The following NKAIN2 variants were observed in gnomAD, a reference collection of about 807,000 sequenced individuals.
NKAIN2 encodes sodium/potassium-transporting ATPase subunit beta-1-interacting protein 2.
NKAIN2 carries 14 observed loss-of-function variants against 32.6 expected under a neutral mutation model. The ratio of observed to expected loss-of-function variants is 0.43; its 90% CI spans 0.28 to 0.67. The LOEUF is 0.67. NKAIN2 is among the 30% of genes least tolerant of loss of function. The pLI is 0.17. For synonymous variants in NKAIN2, 80 were observed against 87.2 expected (o/e 0.92, Z 0.46); for missense variants, 198 against 258.3 (o/e 0.77, Z 1.60).
chr6:124,621,899 C>G lies in NKAIN2; in HGVS notation c.274-36287C>G, dbSNP rs1783120559. On this transcript the variant is annotated intron_variant, in intron 3 of 6. Transcript: ENST00000368417. ...CCAGTTTTCTCCAAGGCAGGCCAGG[C>G]CTGTGTCCCAGGCTGGGAATCTCAG... Among the ~76,000 whole-genome samples the G allele has an allele frequency of 2.6e-5, 4 of 152,244 alleles. 1 individual carries two copies. The South Asian group carries it at 8.3e-4, about 32-fold the overall frequency.
At chr6:124,769,176 A>G (rs1778641796) in intron 4 of NKAIN2, among the ~76,000 whole-genome samples, 1 of 152,186 alleles carries the variant, frequency 6.6e-6, no homozygotes, top group Non-Finnish European at 1.5e-5. Context: ...TACAGCATAA[A>G]GAAACAGTTT....
At chr6:124,578,997 A>G (rs1026910898) in intron 3 of NKAIN2, among the ~76,000 whole-genome samples, 10 of 152,228 alleles carry the variant, frequency 6.6e-5, no homozygotes, top group African/African-American at 2.2e-4. Flanking sequence ...TCAGGGCAGC[A>G]TCTCTATGAG....
At chr6:123,946,128 A>G (rs375176359) in intron 1 of NKAIN2, among the ~76,000 whole-genome samples, 1 of 152,274 alleles carries the variant, frequency 6.6e-6, no homozygotes, top group African/African-American at 2.4e-5. Flanking sequence ...CAGCTGCACA[A>G]CAATGCTGCT....
intron 3 of NKAIN2, among the ~76,000 whole-genome samples, chr6:124,381,091 C>A (rs1250962878): frequency 6.6e-6 from 1 of 152,066 alleles, no homozygotes; most frequent in Non-Finnish European, 1.5e-5. Flanking sequence ...AGAACCAAAG[C>A]AAGATGTGAC....
At chr6:124,172,664 T>C (rs1374788450) in intron 1 of NKAIN2, among the ~76,000 whole-genome samples, 5 of 152,334 alleles carry the variant, frequency 3.3e-5, no homozygotes, top group South Asian at 2.1e-4. Context: ...TGTTAGAATC[T>C]GTATAAACTT....
intron 3 of NKAIN2, among the ~76,000 whole-genome samples, chr6:124,529,981 G>A (rs1397233673): frequency 6.6e-6 from 1 of 152,152 alleles, no homozygotes; most frequent in East Asian, 1.9e-4. Context: ...TGAAGAATGG[G>A]AATAGTCCTC....
intron 1 of NKAIN2, among the ~76,000 whole-genome samples, chr6:123,842,589 T>C (rs1258651228): frequency 6.6e-6 from 1 of 152,146 alleles, no homozygotes; most frequent in Non-Finnish European, 1.5e-5. Context: ...ATTGATATAT[T>C]CTATTGCACT....
At chr6:124,308,455 A>C (rs187023942) in intron 2 of NKAIN2, among the ~76,000 whole-genome samples, 1 of 152,364 alleles carries the variant, frequency 6.6e-6, no homozygotes, top group East Asian at 1.9e-4. Flanking sequence ...TGAGATATAA[A>C]TGTAATCAAA....
intron 4 of NKAIN2, among the ~76,000 whole-genome samples, chr6:124,772,740 C>A (rs765681705): frequency 6.6e-6 from 1 of 152,084 alleles, no homozygotes; most frequent in South Asian, 2.1e-4. Context: ...GCAAAGAGGG[C>A]TTAAGAGACA....
intron 3 of NKAIN2, among the ~76,000 whole-genome samples, chr6:124,432,131 A>G (rs1775244789): frequency 6.6e-6 from 1 of 152,190 alleles, no homozygotes; most frequent in Non-Finnish European, 1.5e-5. Context: ...TTGTACATGG[A>G]AGCGCTGCAT....
chr6:123,987,624 C>G (rs1779201216), intron 1 of NKAIN2, among the ~76,000 whole-genome samples: 1 of 152,144 alleles, frequency 6.6e-6, no homozygotes, highest in South Asian at 2.1e-4. Context: ...CAGTGCCTTG[C>G]ATTTGTAAGT....
intron 1 of NKAIN2, among the ~76,000 whole-genome samples, chr6:123,974,865 C>G (rs1242652161): frequency 6.6e-6 from 1 of 152,144 alleles, no homozygotes; most frequent in East Asian, 1.9e-4. Flanking sequence ...AACATTTTGT[C>G]TTGCTCCACA....
chr6:124,402,544 C>G (rs947798150), intron 3 of NKAIN2, among the ~76,000 whole-genome samples: 28 of 152,118 alleles, frequency 1.8e-4, no homozygotes, highest in Non-Finnish European at 2.2e-4. Flanking sequence ...ATAAATAGAG[C>G]ATTTAGTCTC....
At chr6:123,823,455 G>A (rs1267876541) in intron 1 of NKAIN2, 8 of 152,280 alleles carry the variant, frequency 5.3e-5, no homozygotes, top group Non-Finnish European at 1.0e-4. Flanking sequence ...TTACTGTTGG[G>A]AGGTAATTGA....
At chr6:124,648,149 AAGC>A (rs1784245667) in intron 3 of NKAIN2, among the ~76,000 whole-genome samples, 1 of 152,194 alleles carries the variant, frequency 6.6e-6, no homozygotes, top group Non-Finnish European at 1.5e-5. Flanking sequence ...ACTGAAAAGA[AAGC>A]AGAAGGATTA....
At chr6:124,253,291 A>G (rs1307687880) in intron 1 of NKAIN2, among the ~76,000 whole-genome samples, 1 of 152,190 alleles carries the variant, frequency 6.6e-6, no homozygotes, top group East Asian at 1.9e-4. Flanking sequence ...TCATTTCTAA[A>G]TGTTTGTTGT....
At chr6:124,036,733 ATCAGTCC>A (rs772903034) in intron 1 of NKAIN2, among the ~76,000 whole-genome samples, 1 of 152,110 alleles carries the variant, frequency 6.6e-6, no homozygotes, top group Non-Finnish European at 1.5e-5. Flanking sequence ...CCCTATAGGA[ATCAGTCC>A]TCAAAATCAT....
chr6:124,606,514 A>T (rs1782504747), intron 3 of NKAIN2, among the ~76,000 whole-genome samples: 1 of 152,072 alleles, frequency 6.6e-6, no homozygotes. Flanking sequence ...AAACATCACA[A>T]CATTTATCTG....
chr6:123,842,203 G>A (rs1416492574), intron 1 of NKAIN2, among the ~76,000 whole-genome samples: 1 of 152,058 alleles, frequency 6.6e-6, no homozygotes, highest in Admixed American at 6.5e-5. Flanking sequence ...GTCTGCTTGG[G>A]CTGCCAAAAC....
Sources: allele counts gnomAD v4.1 joint callset (sites outside exome capture counted in the v4.1 genomes callset), GRCh38; gene constraint gnomAD v4.1.1; transcripts MANE v1.5; gene names NCBI Gene and HGNC (gene_info 2026-07-23, HGNC 2026-07-21).